Variants in XRCC4 observed in about 807,000 individuals in gnomAD.
The protein encoded by XRCC4 is DNA repair protein XRCC4.
A neutral mutation model predicts 39.1 loss-of-function variants in XRCC4; 28 were observed. That is an observed-to-expected ratio of 0.72 (90% CI 0.53 to 0.98). The LOEUF is 0.98. Among genes scored for constraint, XRCC4 ranks in the 50% least tolerant of loss-of-function variants. The pLI is 0.00. For missense variants in XRCC4, 350 were observed against 376.4 expected (o/e 0.93, Z 0.58); for synonymous variants, 123 against 126.4 (o/e 0.97, Z 0.18).
At chr5:83,167,151 G>A (rs568728393) in intron 3 of XRCC4, among the ~76,000 whole-genome samples, 7 of 152,110 alleles carry the variant, frequency 4.6e-5, no homozygotes, top group South Asian at 4.2e-4. Context: ...CAAAGTGCTC[G>A]GATTACAGGC....
At chr5:83,241,485 C>CT (rs1246550459) in intron 6 of XRCC4, among the ~76,000 whole-genome samples, 2 of 152,070 alleles carry the variant, frequency 1.3e-5, no homozygotes, top group Admixed American at 6.5e-5. Context: ...GTTCACTGAT[C>CT]TTTTTTTTCT....
chr5:83,167,500 T>G (rs891683475), intron 3 of XRCC4, among the ~76,000 whole-genome samples: 1 of 152,134 alleles, frequency 6.6e-6, no homozygotes, highest in Non-Finnish European at 1.5e-5. Context: ...GAAAAGATAA[T>G]TCAAAGCCAG....
At chr5:83,118,081 T>C (rs7723181) in intron 3 of XRCC4, among the ~76,000 whole-genome samples, 5,304 of 51,892 alleles carry the variant, frequency 0.1, 266 homozygotes, top group African/African-American at 0.33. Flanking sequence ...CACACACATA[T>C]GTATATAGTG....
chr5:83,320,893 C>T (rs903528191), intron 7 of XRCC4, among the ~76,000 whole-genome samples: 1 of 147,312 alleles, frequency 6.8e-6, no homozygotes, highest in African/African-American at 2.5e-5. Context: ...CTCACTGCAA[C>T]CTCTGCCTCC....
chr5:83,095,504 T>G (rs961763031), intron 1 of XRCC4, among the ~76,000 whole-genome samples: 2 of 152,182 alleles, frequency 1.3e-5, no homozygotes, highest in African/African-American at 4.8e-5. Context: ...TCAGAACAAG[T>G]GCCTGCCTGT....
chr5:83,237,957 C>A (rs1752754157), intron 6 of XRCC4, among the ~76,000 whole-genome samples: 2 of 152,164 alleles, frequency 1.3e-5, no homozygotes, highest in South Asian at 4.1e-4. Flanking sequence ...TGATAGTATT[C>A]ATTCCAGTAA....
chr5:83,255,649 A>G (rs1393119291), intron 6 of XRCC4, among the ~76,000 whole-genome samples: 2 of 152,198 alleles, frequency 1.3e-5, no homozygotes, highest in Non-Finnish European at 2.9e-5. Context: ...TGCCACACAT[A>G]CGATTATTAA....
rs566812904 is a variant in XRCC4, at chr5:83,098,260, G to A, written c.-10-6650G>A. On this transcript the variant is annotated intron_variant, in intron 1 of 7. Transcript: ENST00000396027. ...CTAATGCTCTGTTCCTAAAGCATCA[G>A]ATTAATTTAATGTCTCCCTTATACA... Among the ~76,000 whole-genome samples, 131 of 152,190 alleles carry A rather than the reference G, an allele frequency of 8.6e-4. No homozygotes were observed. In the Middle Eastern group the frequency reaches 0.024, roughly 28 times the overall value.
intron 6 of XRCC4, among the ~76,000 whole-genome samples, chr5:83,251,570 G>A (rs1015550173): frequency 4.0e-5 from 6 of 150,910 alleles, no homozygotes; most frequent in Non-Finnish European, 4.4e-5. Flanking sequence ...ATGTTTTGTA[G>A]GCGTAGAACA....
intron 7 of XRCC4, among the ~76,000 whole-genome samples, chr5:83,307,299 ATAGGTAATATTTCTATC>A (rs1755525015): frequency 6.6e-6 from 1 of 152,160 alleles, no homozygotes. Flanking sequence ...GTCATAGAGA[ATAGGTAATATTTCTATC>A]TATGGCCCTT....
intron 3 of XRCC4, among the ~76,000 whole-genome samples, chr5:83,175,353 A>G (rs1173491542): frequency 6.6e-6 from 1 of 152,226 alleles, no homozygotes; most frequent in African/African-American, 2.4e-5. Context: ...CTAAAATGAT[A>G]AAGACCTTTA....
intron 7 of XRCC4, among the ~76,000 whole-genome samples, chr5:83,303,862 T>G (rs1446777372): frequency 6.6e-6 from 1 of 152,186 alleles, no homozygotes; most frequent in Non-Finnish European, 1.5e-5. Context: ...TGACAATATT[T>G]GTAGATGCAT....
At chr5:83,138,567 C>G (rs563886284) in intron 3 of XRCC4, among the ~76,000 whole-genome samples, 16 of 137,802 alleles carry the variant, frequency 1.2e-4, no homozygotes, top group African/African-American at 3.7e-4. Context: ...TTAGCAAAAC[C>G]TAGCACACAA....
chr5:83,172,640 G>A (rs1295376967), intron 3 of XRCC4, among the ~76,000 whole-genome samples: 1 of 152,058 alleles, frequency 6.6e-6, no homozygotes. Flanking sequence ...GAAAATACAT[G>A]TCTTTATTCA....
At chr5:83,137,721 T>G (rs1451990991) in intron 3 of XRCC4, among the ~76,000 whole-genome samples, 1 of 151,972 alleles carries the variant, frequency 6.6e-6, no homozygotes, top group Non-Finnish European at 1.5e-5. Flanking sequence ...CCTTAGGAGG[T>G]GGTTGTAAGG....
At chr5:83,096,145 C>G (rs982713413) in intron 1 of XRCC4, among the ~76,000 whole-genome samples, 1 of 151,926 alleles carries the variant, frequency 6.6e-6, no homozygotes, top group African/African-American at 2.4e-5. Flanking sequence ...CCCAGCAGTT[C>G]TCTACATGGG....
intron 6 of XRCC4, among the ~76,000 whole-genome samples, chr5:83,236,469 A>G (rs904913331): frequency 2.6e-5 from 4 of 152,134 alleles, no homozygotes; most frequent in South Asian, 2.1e-4. Context: ...TACATGGGGA[A>G]AAGAACAGTC....
chr5:83,093,601 A>T (rs1224690055), intron 1 of XRCC4, among the ~76,000 whole-genome samples: 1 of 152,226 alleles, frequency 6.6e-6, no homozygotes, highest in African/African-American at 2.4e-5. Flanking sequence ...CTGAAATCAT[A>T]TCACATATCT....
At chr5:83,079,504 G>A (rs1744837547) in intron 1 of XRCC4, among the ~76,000 whole-genome samples, 1 of 152,074 alleles carries the variant, frequency 6.6e-6, no homozygotes, top group South Asian at 2.1e-4. Context: ...AAATCTGTCT[G>A]TGTTATTCCT....
Sources: allele counts gnomAD v4.1 joint callset (sites outside exome capture counted in the v4.1 genomes callset), GRCh38; gene constraint gnomAD v4.1.1; transcripts MANE v1.5; gene names NCBI Gene and HGNC (gene_info 2026-07-23, HGNC 2026-07-21).